The following PPP3R1 variants were observed in gnomAD, a reference collection of about 807,000 sequenced individuals.
The protein encoded by PPP3R1 is protein phosphatase 3 regulatory subunit B, alpha.
In PPP3R1, 5 loss-of-function variants were observed where a neutral mutation model predicts 22.6. The ratio of observed to expected loss-of-function variants is 0.22; its 90% CI spans 0.12 to 0.46. PPP3R1 has a LOEUF of 0.46. Ranked by LOEUF, PPP3R1 falls within the 20% of genes least tolerant of loss-of-function variation. The pLI, the probability that PPP3R1 is intolerant of heterozygous loss-of-function variation, is 0.99. For missense variants in PPP3R1, 61 were observed against 203.2 expected (o/e 0.30, Z 4.25); for synonymous variants, 56 against 65.2 (o/e 0.86, Z 0.68).
At chr2:68,201,994 A>T (rs1674984337) in intron 2 of PPP3R1, among the ~76,000 whole-genome samples, 1 of 152,214 alleles carries the variant, frequency 6.6e-6, no homozygotes, top group Non-Finnish European at 1.5e-5. Context: ...ATGCTTTTAA[A>T]CAAAAGATTC....
intron 1 of PPP3R1, among the ~76,000 whole-genome samples, chr2:68,251,816 C>G (rs573813117): frequency 1.1e-3 from 171 of 150,064 alleles, no homozygotes; most frequent in African/African-American, 4.1e-3. Context: ...GTCAGCGGTG[C>G]CCGCGGGGGT....
intron 2 of PPP3R1, among the ~76,000 whole-genome samples, chr2:68,207,396 GACTT>G (rs1438969601): frequency 6.6e-6 from 1 of 152,080 alleles, no homozygotes; most frequent in Non-Finnish European, 1.5e-5. Context: ...TAAGAAAGAA[GACTT>G]ACTACTAAGT....
At chr2:68,249,671 C>CTTAACAATTTAACAATTAGT (rs2103820201) in intron 1 of PPP3R1, among the ~76,000 whole-genome samples, 1 of 150,364 alleles carries the variant, frequency 6.7e-6, no homozygotes, top group South Asian at 2.1e-4. Context: ...TCTCCCTGGA[C>CTTAACAATTTAACAATTAGT]GCTTAACAAT....
chr2:68,231,569 T>C (rs1669898937), intron 1 of PPP3R1, among the ~76,000 whole-genome samples: 1 of 152,234 alleles, frequency 6.6e-6, no homozygotes, highest in African/African-American at 2.4e-5. Context: ...TCAAAACTAC[T>C]ATTACAATTT....
chr2:68,217,039 C>CACTCAG lies in PPP3R1; in HGVS notation c.43+52_43+53insCTGAGT. 6.5e-6 allele frequency: 7 copies of CACTCAG among 1,084,898 alleles called. 1 individual carries two copies. Among genetic ancestry groups the CACTCAG allele is most frequent in the South Asian group, 1.6e-5 (1 of 61,830 alleles). 67.2% of individuals were successfully genotyped at this position (1,084,898 alleles called of 1,614,324 possible). A position where few individuals can be genotyped will look rare whatever the true frequency, so the allele number is the denominator to read the frequency against. On this transcript the variant is annotated intron_variant, in intron 2 of 5. Transcript: ENST00000234310. ...ACACACACACACACACACACACACA[C>CACTCAG]AGAGAGAGATGAGTGAATAAAAGTA...
intron 1 of PPP3R1, among the ~76,000 whole-genome samples, chr2:68,235,836 C>G (rs1040774813): frequency 1.3e-5 from 2 of 152,210 alleles, no homozygotes; most frequent in African/African-American, 4.8e-5. Flanking sequence ...GTTCCAGTTT[C>G]TCCACATCCT....
chr2:68,185,816 A>G (rs771107935), intron 5 of PPP3R1, among the ~76,000 whole-genome samples: 8 of 152,212 alleles, frequency 5.3e-5, no homozygotes, highest in Non-Finnish European at 7.3e-5. Flanking sequence ...GACGCAGTCT[A>G]TTCTTTACAG....
rs1674674913 is a variant in PPP3R1, at chr2:68,191,872, T to C, written c.44-3182A>G. Among the ~76,000 whole-genome samples the C allele has an allele frequency of 4.6e-5, 7 of 152,292 alleles. No homozygotes were observed. The South Asian group carries it at 1.2e-3, about 27-fold the overall frequency. ...ACCTTATTTCCCCATTTTCTATCTATAAAATGACACACCCTTACTCTTGAA... is the reference window on the plus strand; with the variant it reads ...ACCTTATTTCCCCATTTTCTATCTACAAAATGACACACCCTTACTCTTGAA... On this transcript the variant is annotated intron_variant, in intron 2 of 5. Transcript: ENST00000234310.
At chr2:68,225,301 A>C (rs142970271) in intron 1 of PPP3R1, among the ~76,000 whole-genome samples, 367 of 152,326 alleles carry the variant, frequency 2.4e-3, no homozygotes, top group Middle Eastern at 0.01. Context: ...TGGTCTAAGA[A>C]GGTGAAAATG....
chr2:68,199,906 TTATAA>T (rs1283300358), intron 2 of PPP3R1, among the ~76,000 whole-genome samples: 3 of 152,196 alleles, frequency 2.0e-5, no homozygotes, highest in Non-Finnish European at 4.4e-5. Context: ...ATTGATTTTA[TTATAA>T]TGTCTTTGGT....
At chr2:68,229,288 T>C (rs1054133931) in intron 1 of PPP3R1, among the ~76,000 whole-genome samples, 3 of 152,088 alleles carry the variant, frequency 2.0e-5, no homozygotes, top group Non-Finnish European at 2.9e-5. Context: ...TTTAGGATTA[T>C]AGGCATGAAC....
At chr2:68,215,626 G>A (rs1405511350) in intron 2 of PPP3R1, among the ~76,000 whole-genome samples, 1 of 152,172 alleles carries the variant, frequency 6.6e-6, no homozygotes, top group African/African-American at 2.4e-5. Flanking sequence ...ATATGTACCT[G>A]TGAGTTTTAC....
At chr2:68,198,531 G>A (rs1352395876) in intron 2 of PPP3R1, among the ~76,000 whole-genome samples, 5 of 104,466 alleles carry the variant, frequency 4.8e-5, no homozygotes, top group African/African-American at 1.8e-4. Context: ...GAATGAGTCT[G>A]GACCCTCTAT....
chr2:68,181,015 A>G lies in PPP3R1; in HGVS notation c.466-5T>C, dbSNP rs1558625255. ...GATATCTAGGCCACCTACAACCTGC[A>G]ACAGACAGGAACAAATCAAGCTTCA... On this transcript the variant is annotated splice_region_variant and splice_polypyrimidine_tract_variant and intron_variant, in intron 5 of 5. Transcript: ENST00000234310. 6.2e-7 allele frequency: 1 copy of G among 1,611,822 alleles called. No homozygotes were observed. Among genetic ancestry groups the G allele is most frequent in the Non-Finnish European group, 8.5e-7 (1 of 1,177,942 alleles).
At chr2:68,249,977 C>T (rs1188614500) in intron 1 of PPP3R1, among the ~76,000 whole-genome samples, 1 of 152,082 alleles carries the variant, frequency 6.6e-6, no homozygotes, top group East Asian at 1.9e-4. Flanking sequence ...CCAGATCACT[C>T]CAAAGCCTGA....
At position 68,224,820 on chromosome 2, in the gene PPP3R1, C is replaced by A. The variant is rs569210264; in HGVS notation, c.4-7689G>T. 1.4e-3 allele frequency among the ~76,000 whole-genome samples: 205 copies of A among 151,776 alleles called. 1 individual carries two copies. The highest frequency in any genetic ancestry group is 4.7e-3 in the African/African-American group (195 of 41,380). On this transcript the variant is annotated intron_variant, in intron 1 of 5. Transcript: ENST00000234310. The stretch of plus-strand genomic sequence containing the variant: ...AAATGGGGAAAAAAAATCTTTGCAA[C>A]AAATGATGCTACAACAACTGAATAG...
intron 2 of PPP3R1, among the ~76,000 whole-genome samples, chr2:68,203,374 G>A (rs1012644274): frequency 6.6e-6 from 1 of 152,194 alleles, no homozygotes; most frequent in African/African-American, 2.4e-5. Context: ...GGCCAAGGCG[G>A]GTGGATCACC....
intron 1 of PPP3R1, among the ~76,000 whole-genome samples, chr2:68,220,839 G>A (rs1669675387): frequency 6.6e-6 from 1 of 152,130 alleles, no homozygotes; most frequent in Admixed American, 6.5e-5. Flanking sequence ...GAGACTGGTG[G>A]GTGCCAGTTA....
At chr2:68,198,462 C>A (rs1290665503) in intron 2 of PPP3R1, among the ~76,000 whole-genome samples, 1 of 148,344 alleles carries the variant, frequency 6.7e-6, no homozygotes, top group Non-Finnish European at 1.5e-5. Flanking sequence ...TACATATATA[C>A]GTATATATGC....
Sources: gnomAD v4.1 joint callset for allele counts (sites outside exome capture counted in the v4.1 genomes callset) on GRCh38, gnomAD v4.1.1 for gene constraint, MANE v1.5 for transcripts, NCBI Gene and HGNC (gene_info 2026-07-23, HGNC 2026-07-21) for gene names.